The following FARS2 variants were observed in gnomAD, a reference collection of about 807,000 sequenced individuals.
FARS2 encodes the protein phenylalanyl-tRNA synthetase 2, mitochondrial, also known as phenylalanine--tRNA ligase, mitochondrial.
In FARS2, 40 loss-of-function variants were observed where a neutral mutation model predicts 46.4. The ratio of observed to expected loss-of-function variants is 0.86; its 90% CI spans 0.67 to 1.12. The LOEUF (loss-of-function observed/expected upper bound fraction) is 1.12, where lower values mean the gene tolerates loss of function less well. Among genes scored for constraint, FARS2 ranks in the 50% most tolerant of loss-of-function variants. FARS2 has a pLI of 0.00. For synonymous variants in FARS2, 234 were observed against 214.9 expected, an observed-to-expected ratio of 1.09 and a Z score of -0.78; for missense variants, 513 against 567.9, an observed-to-expected ratio of 0.90 and a Z score of 0.98.
chr6:5,318,086 C>T (rs1378541064), intron 1 of FARS2, among the ~76,000 whole-genome samples: 4 of 151,660 alleles, frequency 2.6e-5, no homozygotes, highest in South Asian at 2.1e-4. Flanking sequence ...ATAGGTTGGG[C>T]GCGGTGGCTC....
chr6:5,591,541 T>C (rs1773919435), intron 5 of FARS2, among the ~76,000 whole-genome samples: 2 of 152,262 alleles, frequency 1.3e-5, no homozygotes, highest in African/African-American at 4.8e-5. Flanking sequence ...TGCTGGCATG[T>C]CCACTCGGAT....
intron 6 of FARS2, among the ~76,000 whole-genome samples, chr6:5,691,718 T>C (rs1385332469): frequency 2.0e-5 from 3 of 152,214 alleles, no homozygotes; most frequent in Non-Finnish European, 4.4e-5. Context: ...TTCAAAGCTG[T>C]CAGACAGGGA....
intron 6 of FARS2, among the ~76,000 whole-genome samples, chr6:5,715,432 A>G (rs1257664555): frequency 6.6e-6 from 1 of 151,812 alleles, no homozygotes; most frequent in African/African-American, 2.4e-5. Flanking sequence ...GAAACCCAAG[A>G]CCCCTCAGCA....
intron 5 of FARS2, among the ~76,000 whole-genome samples, chr6:5,547,474 G>T (rs1390242048): frequency 6.6e-6 from 1 of 151,890 alleles, no homozygotes; most frequent in Non-Finnish European, 1.5e-5. Context: ...TGGCTGCTAA[G>T]GTGACTAGGC....
At chr6:5,454,380 C>T (rs1027033239) in intron 4 of FARS2, among the ~76,000 whole-genome samples, 1 of 151,980 alleles carries the variant, frequency 6.6e-6, no homozygotes, top group Non-Finnish European at 1.5e-5. Flanking sequence ...CTCACTCTGT[C>T]GCCCAGGCTG....
intron 5 of FARS2, among the ~76,000 whole-genome samples, chr6:5,590,286 C>T (rs530765598): frequency 3.3e-5 from 5 of 152,228 alleles, no homozygotes; most frequent in South Asian, 2.1e-4. Flanking sequence ...CCCCATGCAC[C>T]GTATGTGTCC....
At chr6:5,412,796 G>T (rs1254344136) in intron 3 of FARS2, among the ~76,000 whole-genome samples, 1 of 152,188 alleles carries the variant, frequency 6.6e-6, no homozygotes, top group Non-Finnish European at 1.5e-5. Context: ...CTGGCTTGGG[G>T]AGTGTTATCC....
intron 2 of FARS2, among the ~76,000 whole-genome samples, chr6:5,399,142 A>T (rs1040450800): frequency 3.4e-5 from 4 of 117,700 alleles, no homozygotes; most frequent in African/African-American, 1.4e-4. Flanking sequence ...TATTATTATT[A>T]TTATTATTAT....
At chr6:5,283,374 C>CAAAAAAAA (rs1180107524) in intron 1 of FARS2, among the ~76,000 whole-genome samples, 1 of 55,076 alleles carries the variant, frequency 1.8e-5, no homozygotes, top group Non-Finnish European at 3.5e-5. Flanking sequence ...ACTCCTGTCT[C>CAAAAAAAA]AAAAAAAAAA....
At chr6:5,370,181 C>G (rs1007795846) in intron 2 of FARS2, among the ~76,000 whole-genome samples, 2 of 152,146 alleles carry the variant, frequency 1.3e-5, no homozygotes, top group African/African-American at 4.8e-5. Context: ...AATAGGTAAC[C>G]ATTGTTCTGT....
At chr6:5,501,889 C>G (rs781430437) in intron 4 of FARS2, among the ~76,000 whole-genome samples, 2 of 152,224 alleles carry the variant, frequency 1.3e-5, no homozygotes, top group South Asian at 2.1e-4. Flanking sequence ...TTTGAGCTTG[C>G]CTGCCCCTCC....
chr6:5,407,922 G>T (rs575226807), intron 3 of FARS2, among the ~76,000 whole-genome samples: 1 of 152,160 alleles, frequency 6.6e-6, no homozygotes, highest in Non-Finnish European at 1.5e-5. Flanking sequence ...TGAGGTAGAA[G>T]GGATTCTAGT....
chr6:5,719,885 T>C (rs560712983), intron 6 of FARS2, among the ~76,000 whole-genome samples: 1 of 152,346 alleles, frequency 6.6e-6, no homozygotes, highest in Admixed American at 6.5e-5. Context: ...CAGCTTGCAA[T>C]GTGGCTTCCG....
chr6:5,560,516 T>C (rs1771925300), intron 5 of FARS2, among the ~76,000 whole-genome samples: 1 of 152,130 alleles, frequency 6.6e-6, no homozygotes, highest in Non-Finnish European at 1.5e-5. Context: ...GAACTAGGCC[T>C]TTAATTTCCT....
chr6:5,396,105 A>AAAG (rs4053246), intron 2 of FARS2, among the ~76,000 whole-genome samples: 58,719 of 151,816 alleles, frequency 0.39, 12,828 homozygotes, highest in African/African-American at 0.6. Flanking sequence ...CATTGTTCTT[A>AAAG]AAGAATAATG....
chr6:5,453,317 C>T (rs1287705557), intron 4 of FARS2, among the ~76,000 whole-genome samples: 2 of 152,132 alleles, frequency 1.3e-5, no homozygotes, highest in African/African-American at 4.8e-5. Flanking sequence ...ACATTTCTCT[C>T]AGTTGCCACA....
chr6:5,621,584 G>A (rs969826144), intron 6 of FARS2, among the ~76,000 whole-genome samples: 1 of 152,162 alleles, frequency 6.6e-6, no homozygotes, highest in African/African-American at 2.4e-5. Context: ...GAGGAAAGAG[G>A]CCTTCAGTCT....
At position 5,311,736 on chromosome 6, in the gene FARS2, A is replaced by G. The variant is rs1414873346; in HGVS notation, c.-22+50076A>G. On this transcript the variant is annotated intron_variant, in intron 1 of 6. Transcript: ENST00000274680. The surrounding 1 kb of genome is among the most constrained non-coding windows in gnomAD (Gnocchi z 4.1). Reference sequence around the variant, plus strand: ...AGGACCATGTGCTCTTTTTTTTGGCATGGAGGGTAAGTGAGAACGTAATGG... The same window carrying G: ...AGGACCATGTGCTCTTTTTTTTGGCGTGGAGGGTAAGTGAGAACGTAATGG... Among the ~76,000 whole-genome samples, 1 of 151,846 alleles carries G rather than the reference A, an allele frequency of 6.6e-6. No homozygotes were observed.
chr6:5,759,359 G>A (rs1184503787), intron 6 of FARS2, among the ~76,000 whole-genome samples: 1 of 152,062 alleles, frequency 6.6e-6, no homozygotes, highest in Non-Finnish European at 1.5e-5. Flanking sequence ...TTAGCACATT[G>A]TAATTTACAT....
Sources: allele counts gnomAD v4.1 joint callset (sites outside exome capture counted in the v4.1 genomes callset), GRCh38; gene constraint gnomAD v4.1.1; non-coding constraint Gnocchi (gnomAD v3.1); transcripts MANE v1.5; gene names NCBI Gene and HGNC (gene_info 2026-07-23, HGNC 2026-07-21).